NOS1AP: variants seen among roughly 807,000 people sequenced by gnomAD.
The protein encoded by NOS1AP is carboxyl-terminal PDZ ligand of neuronal nitric oxide synthase protein.
In NOS1AP, 21 loss-of-function variants were observed where a neutral mutation model predicts 56.2. The ratio of observed to expected loss-of-function variants is 0.37; its 90% CI spans 0.26 to 0.54. NOS1AP has a LOEUF of 0.54. NOS1AP is among the 20% of genes least tolerant of loss of function. The pLI is 0.84. For synonymous variants in NOS1AP, 270 were observed against 274.6 expected (o/e 0.98, Z 0.17); for missense variants, 522 against 657.8 (o/e 0.79, Z 2.26).
At position 162,101,352 on chromosome 1, in the gene NOS1AP, GT is replaced by G. The variant is rs1647254996; in HGVS notation, c.105+31073del. ...TTGATTACTGGAGCCTTGTAGTATA[GT>G]TTGAAGTTAGCATGATGCCTCCAGT... On this transcript the variant is annotated intron_variant, in intron 1 of 9. Transcript: ENST00000361897. Among the ~76,000 whole-genome samples, 2 of 152,196 alleles carry G rather than the reference GT, an allele frequency of 1.3e-5. 1 individual carries two copies. The highest frequency in any genetic ancestry group is 4.1e-4 in the South Asian group (2 of 4,832).
chr1:162,085,603 T>C (rs762904656), intron 1 of NOS1AP, among the ~76,000 whole-genome samples: 1 of 152,192 alleles, frequency 6.6e-6, no homozygotes, highest in Non-Finnish European at 1.5e-5. Context: ...CATATAGCCC[T>C]TTCCGAGTCT....
intron 2 of NOS1AP, among the ~76,000 whole-genome samples, chr1:162,227,745 A>T (rs1652988661): frequency 1.3e-5 from 2 of 152,186 alleles, no homozygotes; most frequent in South Asian, 4.1e-4. Flanking sequence ...CTCAATCATT[A>T]TTTCAGCTGC....
intron 2 of NOS1AP, among the ~76,000 whole-genome samples, chr1:162,162,729 T>C (rs16857422): frequency 0.043 from 6,533 of 152,286 alleles, 293 homozygotes; most frequent in African/African-American, 0.11. Context: ...TTCTATCTAG[T>C]TTTATGCTTT....
chr1:162,129,159 C>G (rs950165049), intron 1 of NOS1AP, among the ~76,000 whole-genome samples: 1 of 152,014 alleles, frequency 6.6e-6, no homozygotes, highest in Admixed American at 6.6e-5. Flanking sequence ...TCTGTGTGTT[C>G]GTTCCTCTTT....
intron 2 of NOS1AP, among the ~76,000 whole-genome samples, chr1:162,165,181 C>T (rs1303525921): frequency 6.6e-6 from 1 of 152,022 alleles, no homozygotes; most frequent in East Asian, 1.9e-4. Flanking sequence ...ATTAGCTGGG[C>T]ATGGTGCCGC....
chr1:162,114,767 T>C (rs1420232111), intron 1 of NOS1AP, among the ~76,000 whole-genome samples: 1 of 152,206 alleles, frequency 6.6e-6, no homozygotes, highest in Non-Finnish European at 1.5e-5. Context: ...GTGTTCTGTC[T>C]AGATTTTGTC....
At chr1:162,292,958 A>G (rs1036524323) in intron 3 of NOS1AP, among the ~76,000 whole-genome samples, 2 of 152,200 alleles carry the variant, frequency 1.3e-5, no homozygotes, top group Non-Finnish European at 2.9e-5. Flanking sequence ...AGTTACTGGC[A>G]GCCAGGGTGT....
At position 162,199,385 on chromosome 1, in the gene NOS1AP, A is replaced by T. The variant is rs377064322; in HGVS notation, c.177+44909A>T. The stretch of plus-strand genomic sequence containing the variant: ...TTTAAACCCTTGTAAGGCTCCATAG[A>T]TGAAGTGAGGATAAATAGCAGGAAA... On this transcript the variant is annotated intron_variant, in intron 2 of 9. Transcript: ENST00000361897. Among the ~76,000 whole-genome samples the T allele has an allele frequency of 9.9e-5, 15 of 152,268 alleles. No individual in the cohort carries two copies. The East Asian group carries it at 1.9e-3, about 20-fold the overall frequency.
chr1:162,361,808 G>A (rs1185090558), intron 8 of NOS1AP, among the ~76,000 whole-genome samples: 3 of 152,142 alleles, frequency 2.0e-5, no homozygotes, highest in African/African-American at 7.2e-5. Flanking sequence ...ATTGAACTTG[G>A]GTACCTGCAA....
At chr1:162,186,351 G>A (rs1651430040) in intron 2 of NOS1AP, among the ~76,000 whole-genome samples, 1 of 151,174 alleles carries the variant, frequency 6.6e-6, no homozygotes, top group Admixed American at 6.6e-5. Context: ...TTAATGTAAA[G>A]CCTGACTCAT....
chr1:162,131,730 C>T (rs574608016), intron 1 of NOS1AP, among the ~76,000 whole-genome samples: 22 of 151,814 alleles, frequency 1.4e-4, no homozygotes, highest in Middle Eastern at 3.4e-3. Flanking sequence ...TGTTATAAGG[C>T]GGCATTTTTT....
chr1:162,194,133 C>T lies in NOS1AP; in HGVS notation c.177+39657C>T, dbSNP rs776055232. On this transcript the variant is annotated intron_variant, in intron 2 of 9. Transcript: ENST00000361897. ...CTGCCCTGTTTCCCATCTCAGACTCCTCTTTTCGTCTCCATCTGGTTTTCA... is the reference window on the plus strand; with the variant it reads ...CTGCCCTGTTTCCCATCTCAGACTCTTCTTTTCGTCTCCATCTGGTTTTCA... Among the ~76,000 whole-genome samples the T allele has an allele frequency of 5.9e-5, 9 of 152,154 alleles. No homozygotes were observed. The South Asian group carries it at 1.9e-3, about 31-fold the overall frequency.
chr1:162,144,050 T>C (rs1649348264), intron 1 of NOS1AP, among the ~76,000 whole-genome samples: 1 of 152,260 alleles, frequency 6.6e-6, no homozygotes, highest in South Asian at 2.1e-4. Flanking sequence ...TATGTGCCTT[T>C]AATTCCATTC....
chr1:162,306,198 A>G (rs1444586189), intron 4 of NOS1AP, among the ~76,000 whole-genome samples: 1 of 152,178 alleles, frequency 6.6e-6, no homozygotes, highest in African/African-American at 2.4e-5. Context: ...TAGAACTGCA[A>G]AGGGGACAGG....
chr1:162,294,585 C>G (rs1451972042), intron 3 of NOS1AP, among the ~76,000 whole-genome samples: 2 of 152,144 alleles, frequency 1.3e-5, no homozygotes, highest in Non-Finnish European at 2.9e-5. Flanking sequence ...TCAAGTTAAC[C>G]TACTCCCTCT....
chr1:162,160,236 A>G (rs1366988417), intron 2 of NOS1AP, among the ~76,000 whole-genome samples: 3 of 152,094 alleles, frequency 2.0e-5, no homozygotes, highest in African/African-American at 4.8e-5. Context: ...TTTAACAGTG[A>G]CTTGGTTTCT....
chr1:162,176,553 G>C (rs1651068377), intron 2 of NOS1AP, among the ~76,000 whole-genome samples: 2 of 130,618 alleles, frequency 1.5e-5, no homozygotes, highest in African/African-American at 5.7e-5. Context: ...TCTGTTGCCA[G>C]GCTGGAGTGC....
intron 2 of NOS1AP, among the ~76,000 whole-genome samples, chr1:162,229,835 G>C (rs543330322): frequency 1.3e-5 from 2 of 152,244 alleles, no homozygotes; most frequent in Admixed American, 6.5e-5. Flanking sequence ...GCTAGAACCT[G>C]AGAAGAACAG....
chr1:162,180,007 G>T (rs1248337960), intron 2 of NOS1AP, among the ~76,000 whole-genome samples: 1 of 152,128 alleles, frequency 6.6e-6, no homozygotes, highest in East Asian at 1.9e-4. Flanking sequence ...CATGACAGTG[G>T]GAATGGAGAG....
Sources: gnomAD v4.1 joint callset for allele counts (sites outside exome capture counted in the v4.1 genomes callset) on GRCh38, gnomAD v4.1.1 for gene constraint, MANE v1.5 for transcripts, NCBI Gene and HGNC (gene_info 2026-07-23, HGNC 2026-07-21) for gene names.